ACBD6: variants seen among roughly 807,000 people sequenced by gnomAD.
ACBD6 encodes the protein acyl-CoA binding domain containing 6, also known as acyl-CoA-binding domain-containing protein 6.
Under a neutral mutation model 37.2 loss-of-function variants are expected in ACBD6, and 28 were observed. That is an observed-to-expected ratio of 0.75 (90% CI 0.56 to 1.03). The LOEUF (loss-of-function observed/expected upper bound fraction) is 1.03. Ranked by LOEUF, ACBD6 falls within the 50% of genes least tolerant of loss-of-function variation. ACBD6 has a pLI of 0.00. For missense variants in ACBD6, 340 were observed against 337.4 expected (o/e 1.01, Z -0.06); for synonymous variants, 113 against 126.8 (o/e 0.89, Z 0.73).
intron 6 of ACBD6, among the ~76,000 whole-genome samples, chr1:180,382,323 A>G (rs1295364823): frequency 4.6e-5 from 7 of 152,046 alleles, no homozygotes; most frequent in Non-Finnish European, 7.4e-5. Flanking sequence ...CTAACCAAGA[A>G]AAAAAGAGAG....
intron 6 of ACBD6, among the ~76,000 whole-genome samples, chr1:180,335,298 C>G (rs1651660488): frequency 6.6e-6 from 1 of 152,164 alleles, no homozygotes; most frequent in South Asian, 2.1e-4. Flanking sequence ...GCCCGTCATA[C>G]TAACAGCTGA....
chr1:180,447,387 T>C (rs994682007), intron 3 of ACBD6, among the ~76,000 whole-genome samples: 2 of 152,176 alleles, frequency 1.3e-5, no homozygotes, highest in Non-Finnish European at 2.9e-5. Context: ...CAAGTAAATG[T>C]CATCACTTTG....
intron 3 of ACBD6, chr1:180,435,829 A>ATAC (rs1324672447): frequency 9.5e-7 from 1 of 1,056,438 alleles, no homozygotes; most frequent in African/African-American, 1.6e-5. Flanking sequence ...TGGGTTTAGG[A>ATAC]TACACTCAGA....
rs10913977 is a variant in ACBD6, at chr1:180,387,681, C to T, written c.663+9835G>A. 0.024 allele frequency among the ~76,000 whole-genome samples: 3,716 copies of T among 152,242 alleles called. 360 individuals carry two copies. In the East Asian group the frequency reaches 0.29, roughly 12 times the overall value. On this transcript the variant is annotated intron_variant, in intron 6 of 7. Transcript: ENST00000367595. Reference sequence around the variant, plus strand: ...ATGTGTAGGCTTCCCTTTCAGCCTCCAAGCAAGGGGGTGGCATATTCTTCC... The same window carrying T: ...ATGTGTAGGCTTCCCTTTCAGCCTCTAAGCAAGGGGGTGGCATATTCTTCC...
At chr1:180,338,006 C>T (rs1651814476) in intron 6 of ACBD6, among the ~76,000 whole-genome samples, 1 of 151,990 alleles carries the variant, frequency 6.6e-6, no homozygotes, top group South Asian at 2.1e-4. Context: ...AAAGAGGATC[C>T]AAACAAATGG....
At chr1:180,291,204 G>A (rs1450790469) in intron 7 of ACBD6, among the ~76,000 whole-genome samples, 1 of 152,250 alleles carries the variant, frequency 6.6e-6, no homozygotes, top group East Asian at 1.9e-4. Context: ...AAAGGTCTTT[G>A]TGTTGTCCTG....
intron 1 of ACBD6, among the ~76,000 whole-genome samples, chr1:180,501,559 C>T (rs1651974794): frequency 6.6e-6 from 1 of 152,158 alleles, no homozygotes; most frequent in Non-Finnish European, 1.5e-5. Context: ...CTCAGGTGAT[C>T]CTCCCGCCTC....
intron 7 of ACBD6, among the ~76,000 whole-genome samples, chr1:180,314,252 TA>T (rs1558245375): frequency 6.6e-6 from 1 of 152,200 alleles, no homozygotes; most frequent in African/African-American, 2.4e-5. Flanking sequence ...AAGTTATTAA[TA>T]TTTTTTTTTG....
At position 180,498,848 on chromosome 1, in the gene ACBD6, A is replaced by T. The variant is rs1225393711; in HGVS notation, c.222+3197T>A. 5.7e-4 allele frequency among the ~76,000 whole-genome samples: 85 copies of T among 150,290 alleles called. 1 individual carries two copies. Among genetic ancestry groups the T allele is most frequent in the Non-Finnish European group, 2.2e-4 (15 of 67,586 alleles). ...ATTCCAGCCTGGATGACAGAGCAAAACTGTCTCAAAAAAAAAAAAAAAAGT... is the reference window on the plus strand; with the variant it reads ...ATTCCAGCCTGGATGACAGAGCAAATCTGTCTCAAAAAAAAAAAAAAAAGT... On this transcript the variant is annotated intron_variant, in intron 1 of 7. Coordinates refer to ENST00000367595, the MANE Select transcript of ACBD6 (RefSeq NM_032360.4).
intron 4 of ACBD6, among the ~76,000 whole-genome samples, chr1:180,426,075 T>C (rs2101991173): frequency 6.6e-6 from 1 of 152,344 alleles, no homozygotes; most frequent in Admixed American, 6.5e-5. Flanking sequence ...CAGCAACCTC[T>C]TGTATTTTCT....
At chr1:180,479,922 G>A (rs1450695317) in intron 3 of ACBD6, among the ~76,000 whole-genome samples, 2 of 152,126 alleles carry the variant, frequency 1.3e-5, no homozygotes, top group Non-Finnish European at 2.9e-5. Context: ...CCCGAAGGCA[G>A]AGGGTTCAGT....
chr1:180,462,915 C>A (rs1328202545), intron 3 of ACBD6, among the ~76,000 whole-genome samples: 1 of 152,108 alleles, frequency 6.6e-6, no homozygotes. Context: ...GAACCCAAGA[C>A]TAAGAAATTC....
At chr1:180,349,134 T>C (rs929543836) in intron 6 of ACBD6, among the ~76,000 whole-genome samples, 6 of 152,010 alleles carry the variant, frequency 3.9e-5, no homozygotes, top group Admixed American at 3.3e-4. Flanking sequence ...ATTTTTCTTA[T>C]AAAGTCAGCT....
chr1:180,273,003 A>T (rs546159913), intron 12 of ACBD6: 2 of 152,142 alleles, frequency 1.3e-5, no homozygotes. Context: ...CCATTTGACA[A>T]TGGAGTGGAG....
chr1:180,450,374 G>C (rs142355256), intron 3 of ACBD6, among the ~76,000 whole-genome samples: 147 of 152,308 alleles, frequency 9.7e-4, no homozygotes, highest in African/African-American at 3.4e-3. Context: ...GGAAGGTAGT[G>C]GGACTTGATG....
intron 3 of ACBD6, among the ~76,000 whole-genome samples, chr1:180,451,994 G>C (rs545103253): frequency 6.6e-6 from 1 of 152,268 alleles, no homozygotes; most frequent in South Asian, 2.1e-4. Context: ...ACCTGCTCCT[G>C]AATGACTAAT....
chr1:180,339,883 G>A (rs1364973560), intron 6 of ACBD6, among the ~76,000 whole-genome samples: 1 of 151,878 alleles, frequency 6.6e-6, no homozygotes, highest in Non-Finnish European at 1.5e-5. Context: ...ATGCTGGGAG[G>A]TAGGGCAGAT....
chr1:180,346,252 G>GTAGA (rs1166696498), intron 6 of ACBD6, among the ~76,000 whole-genome samples: 1 of 152,206 alleles, frequency 6.6e-6, no homozygotes, highest in Admixed American at 6.5e-5. Context: ...AGGGGCTTTA[G>GTAGA]TAGAGTGTGA....
In ACBD6 at chr1:180,271,918, C is replaced by T. The variant is rs111822893; in HGVS notation, c.*1307G>A. On this transcript the variant is annotated 3_prime_UTR_variant, in exon 14 of 14. Transcript: ENST00000642319. ...ACCGCTGGGGGCAGTTCTATAAGAG[C>T]GTCAAGAGGAGCCGGGGCAGCAGCA... The T allele has an allele frequency of 6.5e-4, 1,052 of 1,613,352 alleles. 5 individuals are homozygous for T. The African/African-American group carries it at 0.012, about 19-fold the overall frequency.
Sources: gnomAD v4.1 joint callset for allele counts (sites outside exome capture counted in the v4.1 genomes callset) on GRCh38, gnomAD v4.1.1 for gene constraint, MANE v1.5 for transcripts, NCBI Gene and HGNC (gene_info 2026-07-23, HGNC 2026-07-21) for gene names.